The following FRMD5 variants were observed in gnomAD, a reference collection of about 807,000 sequenced individuals.
FRMD5 encodes the protein FERM domain-containing protein 5.
In FRMD5, 20 loss-of-function variants were observed where a neutral mutation model predicts 69.0. That is an observed-to-expected ratio of 0.29 (90% CI 0.20 to 0.42). FRMD5 has a LOEUF of 0.42. Among genes scored for constraint, FRMD5 ranks in the 10% least tolerant of loss-of-function variants. The pLI, the probability that FRMD5 is intolerant of heterozygous loss-of-function variation, is 1.00. For missense variants in FRMD5, 595 were observed against 708.6 expected, an observed-to-expected ratio of 0.84 and a Z score of 1.82; for synonymous variants, 271 against 260.1, an observed-to-expected ratio of 1.04 and a Z score of -0.40.
At chr15:43,908,327 CAAAAAAAA>C (rs58337379) in intron 5 of FRMD5, among the ~76,000 whole-genome samples, 1 of 107,962 alleles carries the variant, frequency 9.3e-6, no homozygotes, top group Non-Finnish European at 1.9e-5. Context: ...GATCCTGTCT[CAAAAAAAA>C]AAAAAAAAAA....
At chr15:43,902,009 T>C (rs1353275057) in intron 7 of FRMD5, 166 bp downstream of exon 7, 5 of 624,328 alleles carry the variant, frequency 8.0e-6, no homozygotes, top group Non-Finnish European at 1.4e-5. Flanking sequence ...TTATGTAGCA[T>C]GTGATCCAGA....
At chr15:43,951,805 C>A (rs371060564) in intron 1 of FRMD5, among the ~76,000 whole-genome samples, 1 of 152,190 alleles carries the variant, frequency 6.6e-6, no homozygotes, top group African/African-American at 2.4e-5. Context: ...CCAAAAACAA[C>A]CTTACATTAA....
intron 1 of FRMD5, among the ~76,000 whole-genome samples, chr15:44,014,020 C>T (rs1249663188): frequency 6.6e-6 from 1 of 152,050 alleles, no homozygotes; most frequent in African/African-American, 2.4e-5. Flanking sequence ...CCACGCCCGG[C>T]TAATTTTTTG....
intron 1 of FRMD5, among the ~76,000 whole-genome samples, chr15:44,191,498 A>C (rs1480369936): frequency 6.6e-6 from 1 of 152,042 alleles, no homozygotes; most frequent in Non-Finnish European, 1.5e-5. Flanking sequence ...AGGCAGGAGA[A>C]TCGCTTGAAC....
At chr15:43,990,330 A>C in intron 1 of FRMD5, 1 of 254,164 alleles carries the variant, frequency 3.9e-6, no homozygotes, top group Non-Finnish European at 7.7e-6. Context: ...TTTTTGTGAT[A>C]TTTGCTTTTT....
At chr15:43,952,554 C>T (rs1365895385) in intron 1 of FRMD5, among the ~76,000 whole-genome samples, 1 of 152,230 alleles carries the variant, frequency 6.6e-6, no homozygotes, top group Non-Finnish European at 1.5e-5. Flanking sequence ...GGCCATCATG[C>T]AGAGGGAACG....
At chr15:43,887,023 A>G (rs1188737496) in intron 10 of FRMD5, among the ~76,000 whole-genome samples, 2 of 152,228 alleles carry the variant, frequency 1.3e-5, no homozygotes, top group Non-Finnish European at 2.9e-5. Context: ...CAGGTTCAGA[A>G]GCAACACTTC....
At chr15:44,143,237 C>T (rs914907785) in intron 1 of FRMD5, among the ~76,000 whole-genome samples, 1 of 152,212 alleles carries the variant, frequency 6.6e-6, no homozygotes, top group Non-Finnish European at 1.5e-5. Context: ...ACCCTGAACA[C>T]TGAAACTAGA....
At chr15:43,977,721 T>G (rs1000450607) in intron 1 of FRMD5, among the ~76,000 whole-genome samples, 1 of 152,208 alleles carries the variant, frequency 6.6e-6, no homozygotes, top group Non-Finnish European at 1.5e-5. Flanking sequence ...TGTTTGGATA[T>G]TCCTTCTTTT....
At chr15:43,883,051 C>G (rs1302135693) in intron 13 of FRMD5, among the ~76,000 whole-genome samples, 1 of 152,032 alleles carries the variant, frequency 6.6e-6, no homozygotes, top group Admixed American at 6.6e-5. Flanking sequence ...TGAATTGAAC[C>G]TCCCAAAGTG....
chr15:44,039,222 G>A (rs1892074115), intron 1 of FRMD5, among the ~76,000 whole-genome samples: 1 of 152,222 alleles, frequency 6.6e-6, no homozygotes, highest in African/African-American at 2.4e-5. Context: ...AGCACCCGGG[G>A]GAAGGGGCAG....
chr15:43,893,238 C>A (rs1362804136), intron 7 of FRMD5, among the ~76,000 whole-genome samples: 1 of 152,030 alleles, frequency 6.6e-6, no homozygotes, highest in Non-Finnish European at 1.5e-5. Flanking sequence ...ACACTGGGCC[C>A]CTCAGGAAAG....
chr15:43,980,778 A>G (rs2090536254), intron 1 of FRMD5, among the ~76,000 whole-genome samples: 1 of 152,188 alleles, frequency 6.6e-6, no homozygotes, highest in African/African-American at 2.4e-5. Flanking sequence ...CAGTAAAGTT[A>G]AAGCTGGGCT....
chr15:43,956,483 G>A (rs2090117385), intron 1 of FRMD5, among the ~76,000 whole-genome samples: 1 of 152,128 alleles, frequency 6.6e-6, no homozygotes, highest in Admixed American at 6.5e-5. Flanking sequence ...AAATACACAT[G>A]ATGTGAGACG....
intron 1 of FRMD5, among the ~76,000 whole-genome samples, chr15:44,059,470 T>C (rs1376962046): frequency 2.6e-5 from 4 of 152,184 alleles, no homozygotes; most frequent in African/African-American, 4.8e-5. Flanking sequence ...ATTATTCTAC[T>C]CTTATTTAAA....
chr15:44,010,533 CTAAT>C (rs986194125), intron 1 of FRMD5, among the ~76,000 whole-genome samples: 2 of 151,564 alleles, frequency 1.3e-5, no homozygotes, highest in African/African-American at 4.8e-5. Flanking sequence ...GAGTAGCTGG[CTAAT>C]TAATAACTGG....
intron 11 of FRMD5, chr15:43,885,021 T>C (rs998643070): frequency 3.3e-5 from 16 of 479,974 alleles, no homozygotes; most frequent in African/African-American, 2.9e-4. Flanking sequence ...GTCTTTAGGA[T>C]CTTCCATTCT....
At chr15:43,894,281 C>T (rs1310674279) in intron 7 of FRMD5, among the ~76,000 whole-genome samples, 1 of 151,070 alleles carries the variant, frequency 6.6e-6, no homozygotes, top group Non-Finnish European at 1.5e-5. Flanking sequence ...AGGCAGCCTG[C>T]CTGTTCTGTC....
intron 1 of FRMD5, among the ~76,000 whole-genome samples, chr15:43,985,379 CA>C (rs1889347915): frequency 6.6e-6 from 1 of 151,280 alleles, no homozygotes; most frequent in African/African-American, 2.4e-5. Context: ...AGTCATCTGG[CA>C]ACTCTGGACC....
Sources: allele counts gnomAD v4.1 joint callset (sites outside exome capture counted in the v4.1 genomes callset), GRCh38; gene constraint gnomAD v4.1.1; transcripts MANE v1.5; gene names NCBI Gene and HGNC (gene_info 2026-07-23, HGNC 2026-07-21).